The following MYMK variants were observed in gnomAD, a reference collection of about 807,000 sequenced individuals.
MYMK encodes protein myomaker.
A neutral mutation model predicts 22.4 loss-of-function variants in MYMK; 16 were observed. The ratio of observed to expected loss-of-function variants is 0.72; its 90% CI spans 0.48 to 1.09. The LOEUF is 1.09. Among genes scored for constraint, MYMK ranks in the 50% least tolerant of loss-of-function variants. The pLI is 0.00. For synonymous variants in MYMK, 125 were observed against 127.0 expected (o/e 0.98, Z 0.11); for missense variants, 250 against 295.6 (o/e 0.85, Z 1.13).
At chr9:133,518,170 T>G (rs974059664) in intron 3 of MYMK, among the ~76,000 whole-genome samples, 1 of 152,206 alleles carries the variant, frequency 6.6e-6, no homozygotes, top group Non-Finnish European at 1.5e-5. Flanking sequence ...CGGGTCTATT[T>G]TTCCCTAAGA....
chr9:133,522,470 G>A (rs112974292), intron 1 of MYMK, among the ~76,000 whole-genome samples: 2 of 152,358 alleles, frequency 1.3e-5, no homozygotes, highest in South Asian at 2.1e-4. Flanking sequence ...GGGAAGGGAC[G>A]CCATGCGGGT....
intron 3 of MYMK, 69 bp downstream of exon 3, chr9:133,518,805 A>G (rs1844661469): frequency 1.3e-6 from 2 of 1,553,958 alleles, no homozygotes; most frequent in African/African-American, 2.7e-5. Context: ...CCGAGGCAGG[A>G]GGAGTCAGAC....
Position 133,514,612 on chromosome 9 carries a change from C to G in MYMK, c.*24G>C, listed in dbSNP as rs1844608193. ...AAGTGTGAGCTGGGGAGGGCAGGGG[C>G]TCAGAGCCGGGCTGGGCGCAGCATC... is the stretch of plus-strand genomic sequence containing the variant. On this transcript the variant is annotated 3_prime_UTR_variant, in exon 5 of 5. Coordinates refer to ENST00000339996, the MANE Select transcript of MYMK (RefSeq NM_001080483.3). The G allele has an allele frequency of 1.2e-6, 2 of 1,604,642 alleles. No homozygotes were observed. The highest frequency in any genetic ancestry group is 8.5e-7 in the Non-Finnish European group (1 of 1,174,908).
intron 1 of MYMK, among the ~76,000 whole-genome samples, chr9:133,522,097 G>A (rs911101584): frequency 3.3e-5 from 5 of 152,242 alleles, no homozygotes; most frequent in African/African-American, 1.2e-4. Context: ...CCCAATGGTG[G>A]GAACTTAGCT....
chr9:133,518,574 C>T (rs1454151083), intron 3 of MYMK, among the ~76,000 whole-genome samples: 1 of 152,224 alleles, frequency 6.6e-6, no homozygotes, highest in Admixed American at 6.5e-5. Context: ...TTGAACCACC[C>T]CATGAGACAG....
Position 133,514,739 on chromosome 9 carries a change from G to A in MYMK, c.563C>T (p.Ala188Val). 6.2e-7 allele frequency: 1 copy of A among 1,614,080 alleles called. No homozygotes were observed. The highest frequency in any genetic ancestry group is 8.5e-7 in the Non-Finnish European group (1 of 1,179,928). ...GGGCAGCAGCAGAACAAAGGACATA[G>A]CCAGGGCACAGTGGTAGAAGCTGTG... Reference protein sequence around the residue: ...YVHSFYHCALAMSFVLLLPKV... With the variant: ...YVHSFYHCALVMSFVLLLPKV... Residue 188 changes from alanine to valine, a missense_variant, in exon 5 of 5, where the codon GCT becomes GTT. By Grantham distance (64) the Ala-to-Val change is moderately conservative. Coordinates refer to ENST00000339996, the MANE Select transcript of MYMK (RefSeq NM_001080483.3).
Position 133,515,718 on chromosome 9 carries a change from CG to C in MYMK, c.400-112del, listed in dbSNP as rs1844623410. On this transcript the variant is annotated intron_variant, in intron 3 of 4. Coordinates refer to ENST00000339996, the MANE Select transcript of MYMK (RefSeq NM_001080483.3). The surrounding 1 kb of genome is among the most constrained non-coding windows in gnomAD (Gnocchi z 5.8). ...GCACAGGCTCACCCCAGCCCTCTCC[CG>C]GCAGGAGAGGAGGCTCAGGAGCCTC... is the stretch of plus-strand genomic sequence containing the variant. 1 of 696,956 alleles carries C rather than the reference CG, an allele frequency of 1.4e-6. No homozygotes were observed. Among genetic ancestry groups the C allele is most frequent in the Non-Finnish European group, 2.5e-6 (1 of 399,918 alleles). The allele number at this position is 696,956 out of a possible 1,614,324, so 43.2% of individuals were successfully genotyped here.
rs766916562 is a variant in MYMK at position 133,515,669 on chromosome 9, C to T, written c.400-62G>A. The T allele has an allele frequency of 1.7e-5, 19 of 1,140,382 alleles. No homozygotes were observed. Among genetic ancestry groups the T allele is most frequent in the Non-Finnish European group, 2.1e-5 (16 of 755,806 alleles). The allele number at this position is 1,140,382 out of a possible 1,614,324, so 70.6% of individuals were successfully genotyped here. On this transcript the variant is annotated intron_variant, in intron 3 of 4. Transcript: ENST00000339996. The surrounding 1 kb of genome is among the most constrained non-coding windows in gnomAD (Gnocchi z 5.8). ...CACAGCACTGGGGAACGCCCCTCCC[C>T]AAACCAGCCCGAGAGCTGGCCCTGC...
intron 3 of MYMK, among the ~76,000 whole-genome samples, chr9:133,518,161 G>A (rs962675284): frequency 2.0e-5 from 3 of 152,198 alleles, no homozygotes; most frequent in Non-Finnish European, 4.4e-5. Context: ...GAGATGCCCC[G>A]GGTCTATTTT....
intron 1 of MYMK, among the ~76,000 whole-genome samples, chr9:133,522,372 A>C (rs1232709974): frequency 6.6e-6 from 1 of 150,480 alleles, no homozygotes; most frequent in Non-Finnish European, 1.5e-5. Flanking sequence ...TTGTGTGGGG[A>C]CAAGCACACT....
chr9:133,519,093 C>G, intron 2 of MYMK, 71 bp from the exon 3 acceptor site: 1 of 1,588,036 alleles, frequency 6.3e-7, no homozygotes, highest in African/African-American at 1.4e-5. Flanking sequence ...CCCCCCACCC[C>G]CCAGCCCCCA....
At chr9:133,516,117 C>G (rs1171219679) in intron 3 of MYMK, among the ~76,000 whole-genome samples, 1 of 152,110 alleles carries the variant, frequency 6.6e-6, no homozygotes, top group East Asian at 1.9e-4. Flanking sequence ...TTGGCCAGCA[C>G]TGCTTCTCAG....
At chr9:133,523,925 A>G (rs1302747767) in intron 1 of MYMK, among the ~76,000 whole-genome samples, 1 of 152,112 alleles carries the variant, frequency 6.6e-6, no homozygotes, top group Non-Finnish European at 1.5e-5. Flanking sequence ...TACGAGAAAC[A>G]CAGAGTGAAA....
intron 1 of MYMK, among the ~76,000 whole-genome samples, chr9:133,523,678 A>G (rs1396644251): frequency 5.0e-5 from 6 of 121,056 alleles, no homozygotes; most frequent in Admixed American, 8.8e-5. Context: ...ATAGAGAGAT[A>G]GATGGAGAGA....
rs774466346 is a variant in MYMK at position 133,524,751 on chromosome 9, T to C, written c.94A>G (p.Met32Val). The change falls in exon 1 of 5, where the codon ATG becomes GTG. Residue 32 changes from methionine to valine, a missense_variant. Transcript: ENST00000339996. ...VSIAAKRRFH[M>V]EAMVYLFTLF... ...GTGAAGAGGTAGACCATGGCCTCCA[T>C]GTGGAACCGCCTCTTGGCCGCGATG... 8 of 1,614,148 alleles carry C rather than the reference T, an allele frequency of 5.0e-6. No individual in the cohort carries two copies. The highest frequency in any genetic ancestry group is 1.7e-5 in the Admixed American group (1 of 60,032).
At position 133,515,111 on chromosome 9, in the gene MYMK, T is replaced by C. The variant is rs1284946512; in HGVS notation, c.517-326A>G. ...TTTTCTCTCCTTATCCCTCTTCCCC[T>C]GTTCCTCCCTCCCTCCTCCACTTTC... On this transcript the variant is annotated intron_variant, in intron 4 of 4. Coordinates refer to ENST00000339996, the MANE Select transcript of MYMK (RefSeq NM_001080483.3). The surrounding 1 kb of genome is among the most constrained non-coding windows in gnomAD (Gnocchi z 5.8). Among the ~76,000 whole-genome samples, 16 of 141,504 alleles carry C rather than the reference T, an allele frequency of 1.1e-4. No homozygotes were observed. Among genetic ancestry groups the C allele is most frequent in the Non-Finnish European group, 1.8e-4 (12 of 65,344 alleles). The allele number at this position is 141,504 out of a possible 152,430, so 92.8% of individuals were successfully genotyped here. A position where few individuals can be genotyped will look rare whatever the true frequency, so the allele number is the denominator to read the frequency against.
At chr9:133,524,152 G>A (rs1319186312) in intron 1 of MYMK, among the ~76,000 whole-genome samples, 2 of 151,988 alleles carry the variant, frequency 1.3e-5, no homozygotes, top group Non-Finnish European at 2.9e-5. Flanking sequence ...GAGAAAGACG[G>A]ACCCACAGAG....
rs1384059775 is a variant in MYMK at position 133,518,992 on chromosome 9, G to C, written c.281C>G (p.Ser94Ter). 6.2e-7 allele frequency: 1 copy of C among 1,613,972 alleles called. No individual in the cohort carries two copies. Among genetic ancestry groups the C allele is most frequent in the Admixed American group, 1.7e-5 (1 of 60,022 alleles). Residue 94 changes from serine to a stop codon, truncating the protein, a stop_gained, in exon 3 of 5, where the codon TCA becomes TGA. Coordinates refer to ENST00000339996, the MANE Select transcript of MYMK (RefSeq NM_001080483.3). LOFTEE classifies it high-confidence loss of function. ...CAGGACGCCGAACATCACAAATGTT[G>C]ACCTCTTGGGTTCGTCGAAGTCGGC... Reference protein sequence around the residue: ...ALADFDEPKRSTFVMFGVLTI... With the variant: ...ALADFDEPKR
Position 133,518,951 on chromosome 9 carries a change from T to G in MYMK, c.322A>C (p.Ile108Leu). 1 of 1,613,890 alleles carries G rather than the reference T, an allele frequency of 6.2e-7. No homozygotes were observed. The highest frequency in any genetic ancestry group is 8.5e-7 in the Non-Finnish European group (1 of 1,179,990). Residue 108 changes from isoleucine (I) to leucine (L), a missense_variant, in exon 3 of 5, where the codon ATC becomes CTC. Transcript: ENST00000339996. ...CCGTAGCCCCATCGGTCATGGTAGA[T>G]CCGCACAGCAATGGTCAGGACGCCG... ...MFGVLTIAVRIYHDRWGYGVY... is the reference protein window; with the variant it reads ...MFGVLTIAVRLYHDRWGYGVY...
Sources: allele counts gnomAD v4.1 joint callset (sites outside exome capture counted in the v4.1 genomes callset), GRCh38; gene constraint gnomAD v4.1.1; non-coding constraint Gnocchi (gnomAD v3.1); transcripts MANE v1.5; gene names NCBI Gene and HGNC (gene_info 2026-07-23, HGNC 2026-07-21).